The following ZNF510 variants were observed in gnomAD, a reference collection of about 807,000 sequenced individuals.
ZNF510 encodes the protein zinc finger protein 510.
In ZNF510, 15 loss-of-function variants were observed where a neutral mutation model predicts 18.1. The observed-to-expected ratio is 0.83, with a 90% CI of 0.55 to 1.28. The LOEUF (loss-of-function observed/expected upper bound fraction) is 1.28. Ranked by LOEUF, ZNF510 falls within the 50% of genes most tolerant of loss-of-function variation. The pLI, the probability that ZNF510 is intolerant of heterozygous loss-of-function variation, is 0.00. For missense variants in ZNF510, 724 were observed against 791.8 expected, an observed-to-expected ratio of 0.91 and a Z score of 1.03; for synonymous variants, 261 against 266.4, an observed-to-expected ratio of 0.98 and a Z score of 0.20.
In ZNF510 at chr9:96,759,439, T is replaced by G. The variant is rs1374844507; in HGVS notation, c.1391A>C (p.Glu464Ala). 1 of 1,614,066 alleles carries G rather than the reference T, an allele frequency of 6.2e-7. No individual in the cohort carries two copies. Among genetic ancestry groups the G allele is most frequent in the African/African-American group, 1.3e-5 (1 of 74,952 alleles). ...HTAEKPYKCN[E>A]CGKTFVQKST... is the part of the protein sequence containing the mutation. ...CTTCTGGACAAATGTTTTTCCACATTCATTACATTTATAGGGTTTTTCTGC... is the reference window on the plus strand; with the variant it reads ...CTTCTGGACAAATGTTTTTCCACATGCATTACATTTATAGGGTTTTTCTGC... The change falls in exon 6 of 6, where the codon GAA (glutamate) becomes GCA (alanine). Residue 464 changes from glutamate to alanine, a missense_variant. By Grantham distance (107) the Glu-to-Ala change is moderately radical. Transcript: ENST00000223428.
In ZNF510 at chr9:96,763,604, A is replaced by G. The variant is rs754842129; in HGVS notation, c.158T>C (p.Ile53Thr). Residue 53 changes from isoleucine (I) to threonine (T), a missense_variant, in exon 4 of 6, where the codon ATA (isoleucine) becomes ACA (threonine). Transcript: ENST00000223428. ...QASVSFKDVT[I>T]EFTQEEWQQM... Reference sequence around the variant, plus strand: ...CTGCCACTCCTCCTGGGTGAATTCTATAGTCACGTCCTTGAATGACACTGA... The same window carrying G: ...CTGCCACTCCTCCTGGGTGAATTCTGTAGTCACGTCCTTGAATGACACTGA... The G allele has an allele frequency of 8.1e-6, 13 of 1,613,444 alleles. No individual in the cohort carries two copies. The highest frequency in any genetic ancestry group is 1.3e-5 in the African/African-American group (1 of 74,998).
chr9:96,759,102 T>G lies in ZNF510; in HGVS notation c.1728A>C (p.Glu576Asp). The G allele has an allele frequency of 6.2e-7, 1 of 1,614,142 alleles. No individual in the cohort carries two copies. Among genetic ancestry groups the G allele is most frequent in the South Asian group, 1.1e-5 (1 of 91,082 alleles). The stretch of plus-strand genomic sequence containing the variant: ...ATGTCCGGGCAAAAGTTTTCCCACA[T>G]TCGTTACATTTGAATGGTTTCTCTC... ...HTGEKPFKCN[E>D]CGKTFARTST... The change falls in exon 6 of 6, where the codon GAA (glutamate) becomes GAC (aspartate). Residue 576 changes from glutamate to aspartate, a missense_variant. By Grantham distance (45) the Glu-to-Asp change is conservative (BLOSUM62 2). Coordinates refer to ENST00000223428, the MANE Select transcript of ZNF510 (RefSeq NM_014930.3).
chr9:96,769,657 G>A (rs1197169088), intron 3 of ZNF510, among the ~76,000 whole-genome samples: 1 of 152,120 alleles, frequency 6.6e-6, no homozygotes, highest in East Asian at 1.9e-4. Flanking sequence ...CAGAATAGGA[G>A]AAAATATTCA....
chr9:96,774,537 TA>T (rs148578444), intron 3 of ZNF510, among the ~76,000 whole-genome samples: 2,825 of 152,112 alleles, frequency 0.019, 80 homozygotes, highest in African/African-American at 0.063. Flanking sequence ...TGCAAATCTG[TA>T]AAAAAAATAC....
intron 1 of ZNF510, among the ~76,000 whole-genome samples, chr9:96,776,912 T>C (rs1205472604): frequency 1.3e-5 from 2 of 152,218 alleles, no homozygotes; most frequent in African/African-American, 4.8e-5. Flanking sequence ...CTGCTATCCA[T>C]GACTACAGCC....
intron 3 of ZNF510, among the ~76,000 whole-genome samples, chr9:96,766,913 A>AT (rs1173317638): frequency 6.6e-6 from 1 of 152,240 alleles, no homozygotes; most frequent in Admixed American, 6.5e-5. Context: ...AATTAGGAAG[A>AT]TAAAACTAGA....
chr9:96,760,671 G>A (rs147718724), intron 5 of ZNF510, among the ~76,000 whole-genome samples, 194 bp from the exon 6 acceptor site: 280 of 152,188 alleles, frequency 1.8e-3, no homozygotes, highest in Non-Finnish European at 3.3e-3. Flanking sequence ...GCAAATGGGA[G>A]AGGAAGCTGG....
chr9:96,763,366 C>G, intron 4 of ZNF510, 140 bp downstream of exon 4: 1 of 1,295,646 alleles, frequency 7.7e-7, no homozygotes, highest in East Asian at 2.3e-5. Flanking sequence ...TAGTCCTCGA[C>G]AGGGCATAGT....
intron 3 of ZNF510, among the ~76,000 whole-genome samples, chr9:96,773,390 G>A (rs1427416406): frequency 1.3e-5 from 2 of 152,160 alleles, no homozygotes; most frequent in African/African-American, 4.8e-5. Flanking sequence ...ATTTGGGAAG[G>A]TGGGAACATA....
intron 3 of ZNF510, 165 bp from the exon 4 acceptor site, chr9:96,763,797 T>C (rs1849411158): frequency 1.4e-6 from 1 of 714,978 alleles, no homozygotes; most frequent in South Asian, 3.1e-5. Context: ...GGTATTAAAT[T>C]GGTAAAAGTT....
At chr9:96,771,513 A>G (rs1849584428) in intron 3 of ZNF510, among the ~76,000 whole-genome samples, 1 of 152,038 alleles carries the variant, frequency 6.6e-6, no homozygotes, top group African/African-American at 2.4e-5. Context: ...AAAAACATGT[A>G]GTTAAAATAA....
intron 4 of ZNF510, 73 bp downstream of exon 4, chr9:96,763,433 A>G: frequency 6.7e-7 from 1 of 1,498,940 alleles, no homozygotes; most frequent in South Asian, 1.3e-5. Context: ...TAAATTGTTC[A>G]CATGTATTGG....
Position 96,763,494 on chromosome 9 carries a change from T to G in ZNF510, c.256+12A>C, listed in dbSNP as rs758207880. ...ATGGAGTTACAAGGGTAAGTTATGT[T>G]TACATGCTTACCCACTGAGACGAGG... On this transcript the variant is annotated intron_variant, in intron 4 of 5. Coordinates refer to ENST00000223428, the MANE Select transcript of ZNF510 (RefSeq NM_014930.3). 55 of 1,598,408 alleles carry G rather than the reference T, an allele frequency of 3.4e-5. No homozygotes were observed. The highest frequency in any genetic ancestry group is 4.6e-5 in the Non-Finnish European group (54 of 1,174,664).
In ZNF510 at chr9:96,758,596, G is replaced by T; in HGVS notation, c.*182C>A. ...TGATACACTCTGAAGGTTGCATTTT[G>T]GACACAATTCTTCCTGCATTCATCT... On this transcript the variant is annotated 3_prime_UTR_variant, in exon 6 of 6. Transcript: ENST00000223428. 1.6e-6 allele frequency: 1 copy of T among 627,172 alleles called. No individual in the cohort carries two copies. The highest frequency in any genetic ancestry group is 1.8e-5 in the African/African-American group (1 of 54,386). The allele number at this position is 627,172 out of a possible 1,614,324, so 38.9% of individuals were successfully genotyped here.
chr9:96,761,403 C>T (rs1391202581), intron 5 of ZNF510, among the ~76,000 whole-genome samples: 6 of 152,178 alleles, frequency 3.9e-5, no homozygotes, highest in Non-Finnish European at 7.4e-5. Context: ...TGCCACTTCT[C>T]GCTTACCTCT....
intron 5 of ZNF510, among the ~76,000 whole-genome samples, chr9:96,760,845 A>AT (rs1179929731): frequency 1.3e-5 from 2 of 152,198 alleles, no homozygotes; most frequent in East Asian, 3.8e-4. Context: ...TGTAAGTAGT[A>AT]TAACAAGGAA....
At position 96,756,059 on chromosome 9, in the gene ZNF510, C is replaced by T. The variant is rs1407709116; in HGVS notation, c.*2719G>A. ...CCAGTCAGTCTTATCAGAAAATAGT[C>T]TCTTATTATGGGCATCTACTTGAGC... On this transcript the variant is annotated 3_prime_UTR_variant, in exon 6 of 6. Coordinates refer to ENST00000223428, the MANE Select transcript of ZNF510 (RefSeq NM_014930.3). 6.6e-6 allele frequency: 1 copy of T among 152,048 alleles called. No individual in the cohort carries two copies. Among genetic ancestry groups the T allele is most frequent in the Non-Finnish European group, 1.5e-5 (1 of 68,014 alleles). The allele number at this position is 152,048 out of a possible 1,614,324, so 9.4% of individuals were successfully genotyped here. A position where few individuals can be genotyped will look rare whatever the true frequency, so the allele number is the denominator to read the frequency against.
Position 96,776,213 on chromosome 9 carries a change from G to T in ZNF510, c.-144C>A. 1 of 1,365,994 alleles carries T rather than the reference G, an allele frequency of 7.3e-7. No individual in the cohort carries two copies. The highest frequency in any genetic ancestry group is 9.5e-7 in the Non-Finnish European group (1 of 1,050,828). The allele number at this position is 1,365,994 out of a possible 1,614,324, so 84.6% of individuals were successfully genotyped here. ...CTGTTCTGTCAGAGAGCAGTTCTTCGGTGGGACTCCTGTTCCTGGGGCTCC... is the reference window on the plus strand; with the variant it reads ...CTGTTCTGTCAGAGAGCAGTTCTTCTGTGGGACTCCTGTTCCTGGGGCTCC... On this transcript the variant is annotated 5_prime_UTR_variant, in exon 2 of 6. Transcript: ENST00000223428.
At chr9:96,770,002 G>T (rs1189055679) in intron 3 of ZNF510, among the ~76,000 whole-genome samples, 9 of 152,214 alleles carry the variant, frequency 5.9e-5, no homozygotes, top group Non-Finnish European at 1.2e-4. Context: ...GTGGAAAACA[G>T]TTTGGCAGTT....
Sources: allele counts gnomAD v4.1 joint callset (sites outside exome capture counted in the v4.1 genomes callset), GRCh38; gene constraint gnomAD v4.1.1; transcripts MANE v1.5; gene names NCBI Gene and HGNC (gene_info 2026-07-23, HGNC 2026-07-21).